VPS13C: variants seen among roughly 807,000 people sequenced by gnomAD.
VPS13C encodes the protein intermembrane lipid transfer protein VPS13C.
Under a neutral mutation model 456.8 loss-of-function variants are expected in VPS13C, and 358 were observed. The observed-to-expected ratio is 0.78, with a 90% CI of 0.72 to 0.86. The LOEUF is 0.86. Ranked by LOEUF, VPS13C falls within the 40% of genes least tolerant of loss-of-function variation. The probability of loss-of-function intolerance (pLI) is 0.00; values close to 1 mark genes in which losing one functional copy is unlikely to be tolerated. For missense variants in VPS13C, 4,818 were observed against 4,385.4 expected (o/e 1.10, Z -2.79); for synonymous variants, 1,578 against 1,486.7 (o/e 1.06, Z -1.41).
chr15:61,900,468 A>G (rs1490715527), intron 66 of VPS13C, among the ~76,000 whole-genome samples: 2 of 152,042 alleles, frequency 1.3e-5, no homozygotes, highest in Admixed American at 6.6e-5. Flanking sequence ...ATACACCAAC[A>G]ACAGACAGAG....
rs75112371 is a variant in VPS13C, at chr15:62,001,090, G to C, written c.1291-464C>G. Among the ~76,000 whole-genome samples, 627 of 152,262 alleles carry C rather than the reference G, an allele frequency of 4.1e-3. 4 individuals carry two copies. Among genetic ancestry groups the C allele is most frequent in the Middle Eastern group, 0.01 (3 of 294 alleles). The stretch of plus-strand genomic sequence containing the variant: ...TAGGCTAAAGTAGAAACTGATTTGA[G>C]GCATTTATATAAAAGTACGTGGGGG... On this transcript the variant is annotated intron_variant, in intron 15 of 84. Coordinates refer to ENST00000644861, the MANE Select transcript of VPS13C (RefSeq NM_020821.3).
intron 1 of VPS13C, among the ~76,000 whole-genome samples, chr15:62,048,900 T>G (rs994253351): frequency 6.6e-6 from 1 of 152,234 alleles, no homozygotes; most frequent in Non-Finnish European, 1.5e-5. Flanking sequence ...ATAAATGTCT[T>G]CTTTTGAGAA....
intron 66 of VPS13C, among the ~76,000 whole-genome samples, chr15:61,892,550 C>T (rs930983082): frequency 6.6e-6 from 1 of 152,160 alleles, no homozygotes; most frequent in Non-Finnish European, 1.5e-5. Flanking sequence ...AGAACAAACA[C>T]TGGAATAAAT....
intron 66 of VPS13C, 71 bp from the exon 67 acceptor site, chr15:61,890,471 A>C: frequency 7.4e-7 from 1 of 1,349,504 alleles, no homozygotes; most frequent in Non-Finnish European, 1.0e-6. Flanking sequence ...AACTATAATA[A>C]CAGAAAGATT....
intron 82 of VPS13C, 159 bp from the exon 83 acceptor site, chr15:61,856,568 T>A: frequency 1.4e-6 from 1 of 740,328 alleles, no homozygotes; most frequent in Non-Finnish European, 2.0e-6. Context: ...TAAGTCTAGA[T>A]AACTGTCAAA....
Position 61,875,772 on chromosome 15 carries a change from A to G in VPS13C, c.10298T>C (p.Leu3433Pro). ...GAATAAAGCTTCAACTCCTTCAGAC[A>G]GACCTCTAATTAATCCAAATGGGTT... ...LGNPFGLIRG[L>P]SEGVEALFYE... Residue 3433 changes from leucine (L) to proline (P), a missense_variant, in exon 76 of 85, where the codon CTG (leucine) becomes CCG (proline). Transcript: ENST00000644861. 1 of 1,610,680 alleles carries G rather than the reference A, an allele frequency of 6.2e-7. No individual in the cohort carries two copies. Among genetic ancestry groups the G allele is most frequent in the South Asian group, 1.1e-5 (1 of 90,432 alleles).
chr15:62,006,517 G>A (rs1384700217), intron 15 of VPS13C, among the ~76,000 whole-genome samples: 1 of 152,092 alleles, frequency 6.6e-6, no homozygotes, highest in African/African-American at 2.4e-5. Flanking sequence ...TTGGACATTT[G>A]GATTGGTTCC....
intron 66 of VPS13C, among the ~76,000 whole-genome samples, chr15:61,899,724 T>A (rs1011263454): frequency 2.0e-5 from 3 of 150,898 alleles, no homozygotes; most frequent in Middle Eastern, 6.8e-3. Flanking sequence ...ACTATTCCAA[T>A]CAACAGAAAA....
intron 50 of VPS13C, 61 bp from the exon 51 acceptor site, chr15:61,929,809 A>C: frequency 6.9e-7 from 1 of 1,444,564 alleles, no homozygotes; most frequent in Non-Finnish European, 9.4e-7. Flanking sequence ...AAGATGAAGA[A>C]TTTCCTATAT....
At chr15:61,892,472 A>G (rs1041361757) in intron 66 of VPS13C, among the ~76,000 whole-genome samples, 6 of 152,200 alleles carry the variant, frequency 3.9e-5, no homozygotes, top group Admixed American at 1.3e-4. Context: ...TCTAGGATAA[A>G]GGGGACCCAA....
At chr15:61,885,348 T>C (rs765837406) in intron 67 of VPS13C, among the ~76,000 whole-genome samples, 2 of 152,158 alleles carry the variant, frequency 1.3e-5, no homozygotes, top group Non-Finnish European at 2.9e-5. Context: ...TATTGCATTA[T>C]CAATTCTGCA....
At chr15:61,956,440 A>G (rs536251856) in intron 37 of VPS13C, among the ~76,000 whole-genome samples, 1 of 152,258 alleles carries the variant, frequency 6.6e-6, no homozygotes, top group South Asian at 2.1e-4. Context: ...CAATTTACCC[A>G]TGTAACAAAC....
At position 61,915,714 on chromosome 15, in the gene VPS13C, A is replaced by G. The variant is rs1248835391; in HGVS notation, c.8364T>C (p.Asp2788=). Residue 2788 remains aspartate (D), a synonymous_variant, in exon 61 of 85, where the codon GAT becomes GAC. Coordinates refer to ENST00000644861, the MANE Select transcript of VPS13C (RefSeq NM_020821.3). ...TTRVLQYRSE[D]IHVKHPADFR... is the part of the protein sequence containing the mutation. ...AATCAGCTGGATGTTTCACATGAAT[A>G]TCTTCTGAACGATACTGGAGAACCC... is the stretch of plus-strand genomic sequence containing the variant. The G allele has an allele frequency of 6.2e-7, 1 of 1,613,542 alleles. No homozygotes were observed. The highest frequency in any genetic ancestry group is 1.3e-5 in the African/African-American group (1 of 74,924).
intron 3 of VPS13C, among the ~76,000 whole-genome samples, chr15:62,040,059 A>C (rs777336266): frequency 6.6e-6 from 1 of 152,190 alleles, no homozygotes; most frequent in Non-Finnish European, 1.5e-5. Context: ...CATTTGCAAC[A>C]ACATGGATGG....
intron 27 of VPS13C, among the ~76,000 whole-genome samples, chr15:61,970,983 C>T (rs908848934): frequency 4.6e-5 from 7 of 151,976 alleles, no homozygotes; most frequent in Non-Finnish European, 1.0e-4. Context: ...GTGTAAGCTC[C>T]ATGCGGCAAG....
At chr15:61,946,609 C>T (rs1165926678) in intron 43 of VPS13C, among the ~76,000 whole-genome samples, 199 bp from the exon 44 acceptor site, 1 of 150,348 alleles carries the variant, frequency 6.7e-6, no homozygotes, top group Non-Finnish European at 1.5e-5. Context: ...TTAAGGGACA[C>T]AGGCATCTCC....
chr15:61,964,727 T>C lies in VPS13C; in HGVS notation c.3186A>G (p.Lys1062=). Residue 1062 remains lysine, a synonymous_variant, in exon 31 of 85, where the codon AAA becomes AAG. Coordinates refer to ENST00000644861, the MANE Select transcript of VPS13C (RefSeq NM_020821.3). ...VAKEVQISTE[K]QQKNSTLPKA... is the part of the protein sequence containing the mutation. ...TTGGCAGAGTTGAATTTTTTTGTTG[T>C]TTTTCAGTTGAAATTTGTACCTCCT... 6.2e-7 allele frequency: 1 copy of C among 1,606,444 alleles called. No homozygotes were observed. Among genetic ancestry groups the C allele is most frequent in the Non-Finnish European group, 8.5e-7 (1 of 1,177,408 alleles).
intron 16 of VPS13C, 86 bp downstream of exon 16, chr15:62,000,478 T>A: frequency 7.7e-7 from 1 of 1,306,924 alleles, no homozygotes; most frequent in South Asian, 1.4e-5. Flanking sequence ...AAACCTCACC[T>A]CGTGAAACTT....
At position 61,981,099 on chromosome 15, in the gene VPS13C, A is replaced by C. The variant is rs147839690; in HGVS notation, c.2166+243T>G. Among the ~76,000 whole-genome samples, 146 of 152,356 alleles carry C rather than the reference A, an allele frequency of 9.6e-4. 1 individual carries two copies. The highest frequency in any genetic ancestry group is 3.4e-3 in the African/African-American group (143 of 41,586). On this transcript the variant is annotated intron_variant, in intron 22 of 84. Coordinates refer to ENST00000644861, the MANE Select transcript of VPS13C (RefSeq NM_020821.3). ...TACGAATGCTTCTTTCTAATTAGGAAAAGGCAGATGTAATCCAGTCCTTAC... is the reference window on the plus strand; with the variant it reads ...TACGAATGCTTCTTTCTAATTAGGACAAGGCAGATGTAATCCAGTCCTTAC...
Sources: allele counts gnomAD v4.1 joint callset (sites outside exome capture counted in the v4.1 genomes callset), GRCh38; gene constraint gnomAD v4.1.1; transcripts MANE v1.5; gene names NCBI Gene and HGNC (gene_info 2026-07-23, HGNC 2026-07-21).